PLA2G7: variants seen among roughly 807,000 people sequenced by gnomAD.
The protein encoded by PLA2G7 is phospholipase A2 group VII.
PLA2G7 carries 63 observed loss-of-function variants against 49.6 expected under a neutral mutation model. The observed-to-expected ratio is 1.27, with a 90% CI of 1.04 to 1.57. PLA2G7 has a LOEUF of 1.57. Ranked by LOEUF, PLA2G7 falls within the 40% of genes most tolerant of loss-of-function variation. The pLI is 0.00. For synonymous variants in PLA2G7, 193 were observed against 169.9 expected, an observed-to-expected ratio of 1.14 and a Z score of -1.06; for missense variants, 596 against 521.2, an observed-to-expected ratio of 1.14 and a Z score of -1.40.
chr6:46,731,123 G>C (rs894046313), intron 1 of PLA2G7, among the ~76,000 whole-genome samples: 1 of 152,158 alleles, frequency 6.6e-6, no homozygotes, highest in African/African-American at 2.4e-5. Context: ...ACATCAGAGT[G>C]AGTCAGGAAA....
intron 7 of PLA2G7, 75 bp downstream of exon 7, chr6:46,711,421 A>G: frequency 6.5e-7 from 1 of 1,548,722 alleles, no homozygotes; most frequent in Non-Finnish European, 8.9e-7. Flanking sequence ...CCAGGTGTAA[A>G]ATTAAATTAA....
chr6:46,725,980 G>A (rs45460700), intron 1 of PLA2G7, among the ~76,000 whole-genome samples: 186 of 152,286 alleles, frequency 1.2e-3, no homozygotes, highest in African/African-American at 4.4e-3. Context: ...TTTATGCATA[G>A]GTTCAACAAA....
intron 7 of PLA2G7, 101 bp downstream of exon 7, chr6:46,711,395 C>T: frequency 1.6e-6 from 2 of 1,282,332 alleles, no homozygotes; most frequent in African/African-American, 1.5e-5. Context: ...AATAGGAGAG[C>T]TAGGAGCATA....
intron 1 of PLA2G7, among the ~76,000 whole-genome samples, chr6:46,734,859 A>C (rs999246672): frequency 3.9e-5 from 6 of 152,048 alleles, no homozygotes; most frequent in Non-Finnish European, 8.8e-5. Context: ...AGAGAGAGAG[A>C]GAGAAAAAAA....
chr6:46,726,566 A>G (rs1765580657), intron 1 of PLA2G7, among the ~76,000 whole-genome samples: 1 of 152,014 alleles, frequency 6.6e-6, no homozygotes, highest in South Asian at 2.1e-4. Flanking sequence ...CTACACTAAA[A>G]CCCTTGATAC....
At chr6:46,710,484 TAAATGAC>T in intron 8 of PLA2G7, 54 bp downstream of exon 8, 1 of 1,127,414 alleles carries the variant, frequency 8.9e-7, no homozygotes. Context: ...AGCAGAAAAT[TAAATGAC>T]AAAAAACAAT....
intron 2 of PLA2G7, among the ~76,000 whole-genome samples, chr6:46,719,297 G>A (rs1475160167): frequency 6.6e-6 from 1 of 152,180 alleles, no homozygotes; most frequent in Non-Finnish European, 1.5e-5. Context: ...CCACACTGGT[G>A]ACTCATGTGT....
At chr6:46,724,247 T>C (rs916708219) in intron 1 of PLA2G7, among the ~76,000 whole-genome samples, 1 of 152,212 alleles carries the variant, frequency 6.6e-6, no homozygotes, top group Non-Finnish European at 1.5e-5. Flanking sequence ...ATGTTATTTG[T>C]TAGTTGTTTA....
At position 46,732,010 on chromosome 6, in the gene PLA2G7, TA is replaced by T. The variant is rs540056433; in HGVS notation, c.-35+3169del. Among the ~76,000 whole-genome samples, 39 of 152,290 alleles carry T rather than the reference TA, an allele frequency of 2.6e-4. No homozygotes were observed. In the South Asian group the frequency reaches 8.1e-3, roughly 32 times the overall value. ...CACCCAGAGTCATCTCTTTATAAAG[TA>T]AATCAATTATGTCACATCTCTGCTT... On this transcript the variant is annotated intron_variant, in intron 1 of 11. Transcript: ENST00000274793.
chr6:46,721,709 A>G (rs1057440310), intron 2 of PLA2G7, among the ~76,000 whole-genome samples: 1 of 151,328 alleles, frequency 6.6e-6, no homozygotes, highest in South Asian at 2.1e-4. Context: ...TAACTTCCTG[A>G]TGCGTTATAG....
At chr6:46,715,649 A>C (rs1765176691) in intron 4 of PLA2G7, among the ~76,000 whole-genome samples, 1 of 152,244 alleles carries the variant, frequency 6.6e-6, no homozygotes, top group Non-Finnish European at 1.5e-5. Flanking sequence ...ATTGCTATGG[A>C]AGTGATTTAT....
rs528904927 is a variant in PLA2G7 at position 46,711,361 on chromosome 6, T to C, written c.663+135A>G. On this transcript the variant is annotated intron_variant, in intron 7 of 11. Transcript: ENST00000274793. The stretch of plus-strand genomic sequence containing the variant: ...GGAATTTTACTGCTCCAGGAATCTA[T>C]TGACAGATCTTTTGGGAATGGGAAA... 5.1e-5 allele frequency: 50 copies of C among 978,196 alleles called. No individual in the cohort carries two copies. The African/African-American group carries it at 6.1e-4, about 12-fold the overall frequency. The allele number at this position is 978,196 out of a possible 1,614,324, so 60.6% of individuals were successfully genotyped here. A position where few individuals can be genotyped will look rare whatever the true frequency, so the allele number is the denominator to read the frequency against.
At position 46,716,594 on chromosome 6, in the gene PLA2G7, T is replaced by C; in HGVS notation, c.232-66A>G. ...TCTCAAACATATTCCAGCAGCTATTTTGCATATTTAATTAGTGGGGACTCA... is the reference window on the plus strand; with the variant it reads ...TCTCAAACATATTCCAGCAGCTATTCTGCATATTTAATTAGTGGGGACTCA... On this transcript the variant is annotated intron_variant, in intron 3 of 11. Transcript: ENST00000274793. The C allele has an allele frequency of 7.1e-6, 11 of 1,552,952 alleles. No homozygotes were observed. In the South Asian group the frequency reaches 1.1e-4, roughly 16 times the overall value.
At chr6:46,734,415 TGAGAGAGAGAGAGAGAGAGAGAGAGA>T (rs70996386) in intron 1 of PLA2G7, among the ~76,000 whole-genome samples, 1,768 of 54,298 alleles carry the variant, frequency 0.033, 258 homozygotes, top group Middle Eastern at 0.08. Context: ...TGTGTGTGTG[TGAGAGAGAGAGAGAGAGAGAGAGAGA>T]GAGAGAGAGA....
chr6:46,708,093 G>A lies in PLA2G7; in HGVS notation c.938C>T (p.Pro313Leu), dbSNP rs1244340348. Residue 313 changes from proline to leucine, a missense_variant, in exon 10 of 12, where the codon CCC (proline) becomes CTC (leucine). Transcript: ENST00000274793. Reference sequence around the variant, plus strand: ...ATATTCAGAGTTGATAAAAAAGAGGGGCTGAGGAATTCTGGAATATACTTC... The same window carrying A: ...ATATTCAGAGTTGATAAAAAAGAGGAGCTGAGGAATTCTGGAATATACTTC... ...GDEVYSRIPQ[P>L]LFFINSEYFQ... 1 of 1,609,456 alleles carries A rather than the reference G, an allele frequency of 6.2e-7. No homozygotes were observed. The highest frequency in any genetic ancestry group is 8.5e-7 in the Non-Finnish European group (1 of 1,175,972).
rs928072780 is a variant in PLA2G7, at chr6:46,734,749, G to C, written c.-35+431C>G. On this transcript the variant is annotated intron_variant, in intron 1 of 11. Coordinates refer to ENST00000274793, the MANE Select transcript of PLA2G7 (RefSeq NM_005084.4). The stretch of plus-strand genomic sequence containing the variant: ...GAGGCAGGAGAATTGCTTGAACCCG[G>C]GAGACAGAGGTTGCAGTGAGTCGAG... Among the ~76,000 whole-genome samples the C allele has an allele frequency of 5.3e-5, 8 of 151,890 alleles. No homozygotes were observed. In the East Asian group the frequency reaches 1.6e-3, roughly 30 times the overall value.
rs923871968 is a variant in PLA2G7 at position 46,722,530 on chromosome 6, G to A, written c.109+253C>T. Among the ~76,000 whole-genome samples, 5 of 152,116 alleles carry A rather than the reference G, an allele frequency of 3.3e-5. No individual in the cohort carries two copies. In the East Asian group the frequency reaches 7.7e-4, roughly 23 times the overall value. Reference sequence around the variant, plus strand: ...TCTCCGTGGTGATTGCAAGCTGAGCGTCCAGTATATCTTAAAATGTCCCAT... The same window carrying A: ...TCTCCGTGGTGATTGCAAGCTGAGCATCCAGTATATCTTAAAATGTCCCAT... On this transcript the variant is annotated intron_variant, in intron 2 of 11. Transcript: ENST00000274793.
At chr6:46,721,347 C>T (rs565076690) in intron 2 of PLA2G7, among the ~76,000 whole-genome samples, 12 of 152,206 alleles carry the variant, frequency 7.9e-5, no homozygotes, top group Middle Eastern at 3.4e-3. Context: ...CATGCCCGGC[C>T]TGCATTCATT....
chr6:46,721,494 T>A (rs1239573811), intron 2 of PLA2G7, among the ~76,000 whole-genome samples: 1 of 152,082 alleles, frequency 6.6e-6, no homozygotes, highest in Non-Finnish European at 1.5e-5. Context: ...ATTTTAAAAA[T>A]GTTTAAATTT....
Sources: allele counts gnomAD v4.1 joint callset (sites outside exome capture counted in the v4.1 genomes callset), GRCh38; gene constraint gnomAD v4.1.1; transcripts MANE v1.5; gene names NCBI Gene and HGNC (gene_info 2026-07-23, HGNC 2026-07-21).